The following CNTNAP4 variants were observed in gnomAD, a reference collection of about 807,000 sequenced individuals.
The protein encoded by CNTNAP4 is contactin associated protein family member 4.
A neutral mutation model predicts 148.4 loss-of-function variants in CNTNAP4; 98 were observed. The observed-to-expected ratio is 0.66, with a 90% CI of 0.56 to 0.78. CNTNAP4 has a LOEUF of 0.78. Ranked by LOEUF, CNTNAP4 falls within the 30% of genes least tolerant of loss-of-function variation. The pLI, the probability that CNTNAP4 is intolerant of heterozygous loss-of-function variation, is 0.00. For missense variants in CNTNAP4, 1,935 were observed against 1,565.6 expected, an observed-to-expected ratio of 1.24 and a Z score of -3.98; for synonymous variants, 730 against 565.1, an observed-to-expected ratio of 1.29 and a Z score of -4.14.
Position 76,552,037 on chromosome 16 carries a change from C to G in CNTNAP4, c.3443-1246C>G, listed in dbSNP as rs138753507. ...ACACAGTTCCACATGGCTGGGAGGC[C>G]TCAGGAAACTTATAATCGGAAAGCA... On this transcript the variant is annotated intron_variant, in intron 21 of 23. Coordinates refer to ENST00000611870, the MANE Select transcript of CNTNAP4 (RefSeq NM_033401.5). Among the ~76,000 whole-genome samples, 720 of 152,190 alleles carry G rather than the reference C, an allele frequency of 4.7e-3. 6 individuals carry two copies. The highest frequency in any genetic ancestry group is 0.017 in the African/African-American group (699 of 41,490).
intron 1 of CNTNAP4, among the ~76,000 whole-genome samples, chr16:76,280,212 C>T (rs1164116904): frequency 6.6e-6 from 1 of 152,066 alleles, no homozygotes; most frequent in Non-Finnish European, 1.5e-5. Context: ...CAGAGTCAGC[C>T]CAAGGTTGCC....
At chr16:76,545,382 C>T (rs2084666876) in intron 21 of CNTNAP4, among the ~76,000 whole-genome samples, 1 of 152,090 alleles carries the variant, frequency 6.6e-6, no homozygotes, top group African/African-American at 2.4e-5. Flanking sequence ...AAAAAGTATT[C>T]ATGACGTTGA....
chr16:76,405,690 T>C (rs2078578209), intron 3 of CNTNAP4, among the ~76,000 whole-genome samples: 1 of 152,098 alleles, frequency 6.6e-6, no homozygotes, highest in African/African-American at 2.4e-5. Flanking sequence ...GGGGTTGGTC[T>C]TGCTGTTCAC....
chr16:76,425,417 A>G (rs536748449), intron 3 of CNTNAP4, among the ~76,000 whole-genome samples: 21 of 152,268 alleles, frequency 1.4e-4, no homozygotes, highest in Admixed American at 3.9e-4. Context: ...TTTATTGAGA[A>G]CCACTTTGAG....
At chr16:76,389,385 C>T (rs1395182842) in intron 3 of CNTNAP4, among the ~76,000 whole-genome samples, 4 of 152,180 alleles carry the variant, frequency 2.6e-5, no homozygotes, top group South Asian at 2.1e-4. Flanking sequence ...TTTCTGGCAA[C>T]GTTGCTTGTG....
chr16:76,535,919 AT>A lies in CNTNAP4; in HGVS notation c.2995+136del. 5.7e-6 allele frequency: 5 copies of A among 873,114 alleles called. No homozygotes were observed. In the South Asian group the frequency reaches 8.7e-5, roughly 15 times the overall value. 54.1% of individuals were successfully genotyped at this position (873,114 alleles called of 1,614,324 possible). A position where few individuals can be genotyped will look rare whatever the true frequency, so the allele number is the denominator to read the frequency against. The stretch of plus-strand genomic sequence containing the variant: ...ATTGCTTTGGCAAAGTATCTGTTGA[AT>A]GTAAAGAATGAGTACAAGATCCTGG... On this transcript the variant is annotated intron_variant, in intron 18 of 23. Coordinates refer to ENST00000611870, the MANE Select transcript of CNTNAP4 (RefSeq NM_033401.5).
At chr16:76,552,666 G>A (rs368505148) in intron 21 of CNTNAP4, among the ~76,000 whole-genome samples, 12 of 152,228 alleles carry the variant, frequency 7.9e-5, no homozygotes, top group African/African-American at 2.9e-4. Context: ...GGGTATAAAG[G>A]GTTTTATTGC....
intron 2 of CNTNAP4, among the ~76,000 whole-genome samples, chr16:76,353,289 GA>G (rs1237692549): frequency 6.6e-6 from 1 of 152,170 alleles, no homozygotes; most frequent in Non-Finnish European, 1.5e-5. Flanking sequence ...GATTATACCT[GA>G]ATGCAAGCAG....
chr16:76,331,381 G>C (rs772008055), intron 2 of CNTNAP4, among the ~76,000 whole-genome samples: 8 of 151,742 alleles, frequency 5.3e-5, no homozygotes, highest in Non-Finnish European at 2.9e-5. Context: ...GTAGAGGCAG[G>C]GTTTCACAGT....
intron 3 of CNTNAP4, among the ~76,000 whole-genome samples, chr16:76,389,207 G>C (rs1166123196): frequency 6.6e-6 from 1 of 152,184 alleles, no homozygotes; most frequent in Non-Finnish European, 1.5e-5. Flanking sequence ...TTCTGTATGT[G>C]TGCTCAGGCA....
intron 3 of CNTNAP4, among the ~76,000 whole-genome samples, chr16:76,399,469 A>G (rs2078326609): frequency 6.6e-6 from 1 of 152,174 alleles, no homozygotes; most frequent in African/African-American, 2.4e-5. Context: ...TACTTAGGGA[A>G]CTGAATTATA....
chr16:76,477,471 T>C (rs1367519025), intron 11 of CNTNAP4, among the ~76,000 whole-genome samples: 2 of 152,192 alleles, frequency 1.3e-5, no homozygotes, highest in Admixed American at 1.3e-4. Flanking sequence ...ATTGTGCTCC[T>C]GCCAGTGTTT....
intron 7 of CNTNAP4, among the ~76,000 whole-genome samples, chr16:76,450,225 C>G (rs955507591): frequency 3.3e-5 from 5 of 152,102 alleles, no homozygotes; most frequent in Non-Finnish European, 7.4e-5. Flanking sequence ...TCTCGGCTCA[C>G]TGCAGCCTCC....
chr16:76,548,963 A>G (rs746287656), intron 21 of CNTNAP4, among the ~76,000 whole-genome samples: 4 of 152,186 alleles, frequency 2.6e-5, no homozygotes, highest in South Asian at 2.1e-4. Context: ...TTTGGACTCA[A>G]TTCTGGGAGG....
At chr16:76,449,958 A>G in intron 7 of CNTNAP4, 100 bp downstream of exon 7, 1 of 964,798 alleles carries the variant, frequency 1.0e-6, no homozygotes, top group Non-Finnish European at 1.5e-6. Context: ...GGGGTTTTAG[A>G]GGTACTCTTA....
chr16:76,462,716 C>T (rs2081024663), intron 9 of CNTNAP4, among the ~76,000 whole-genome samples: 1 of 152,074 alleles, frequency 6.6e-6, no homozygotes, highest in South Asian at 2.1e-4. Context: ...GAAAAGAAAA[C>T]CTAAAAAATG....
chr16:76,420,114 G>A (rs2079124716), intron 3 of CNTNAP4, among the ~76,000 whole-genome samples: 1 of 111,616 alleles, frequency 9.0e-6, no homozygotes, highest in Non-Finnish European at 2.2e-5. Context: ...TTTTCTTGTG[G>A]TGCAGTGTAG....
chr16:76,361,743 C>G (rs1237288496), intron 3 of CNTNAP4, among the ~76,000 whole-genome samples: 1 of 152,184 alleles, frequency 6.6e-6, no homozygotes, highest in African/African-American at 2.4e-5. Context: ...ATACTGCATG[C>G]TGTTTTCCAT....
chr16:76,495,204 TGG>T, intron 14 of CNTNAP4, 138 bp downstream of exon 14: 1 of 821,688 alleles, frequency 1.2e-6, no homozygotes, highest in Non-Finnish European at 1.9e-6. Flanking sequence ...TAATGAAACG[TGG>T]TGTAGTCAAT....
Sources: allele counts gnomAD v4.1 joint callset (sites outside exome capture counted in the v4.1 genomes callset), GRCh38; gene constraint gnomAD v4.1.1; transcripts MANE v1.5; gene names NCBI Gene and HGNC (gene_info 2026-07-23, HGNC 2026-07-21).